LRRC4C: variants seen among roughly 807,000 people sequenced by gnomAD.
The protein encoded by LRRC4C is leucine rich repeat containing 4C.
Under a neutral mutation model 33.6 loss-of-function variants are expected in LRRC4C, and 5 were observed. The observed-to-expected ratio is 0.15, with a 90% CI of 0.08 to 0.31. The LOEUF (loss-of-function observed/expected upper bound fraction) is 0.31. LRRC4C is among the 10% of genes least tolerant of loss of function. LRRC4C has a pLI of 1.00. For synonymous variants in LRRC4C, 329 were observed against 302.0 expected, an observed-to-expected ratio of 1.09 and a Z score of -0.93; for missense variants, 560 against 796.7, an observed-to-expected ratio of 0.70 and a Z score of 3.58.
chr11:40,646,554 G>T (rs1280833239), intron 3 of LRRC4C, among the ~76,000 whole-genome samples: 2 of 152,046 alleles, frequency 1.3e-5, no homozygotes, highest in Admixed American at 1.3e-4. Context: ...AAGTTTGACG[G>T]CAAGGAAAAA....
intron 1 of LRRC4C, among the ~76,000 whole-genome samples, chr11:41,441,027 T>C (rs1955600816): frequency 6.6e-6 from 1 of 152,200 alleles, no homozygotes; most frequent in South Asian, 2.1e-4. Context: ...CAAGCCAGTC[T>C]TCTCAAGGGT....
chr11:41,244,028 G>T (rs1191317437), intron 1 of LRRC4C, among the ~76,000 whole-genome samples: 2 of 152,046 alleles, frequency 1.3e-5, no homozygotes, highest in East Asian at 3.9e-4. Context: ...GTTAAAACGG[G>T]AACTAATTAA....
intron 2 of LRRC4C, among the ~76,000 whole-genome samples, chr11:40,929,919 C>G (rs928100664): frequency 6.6e-6 from 1 of 152,024 alleles, no homozygotes; most frequent in African/African-American, 2.4e-5. Context: ...TTCAGCTCTA[C>G]TAGCCATAAT....
chr11:40,959,639 A>G (rs992753046), intron 1 of LRRC4C, among the ~76,000 whole-genome samples: 2 of 151,652 alleles, frequency 1.3e-5, no homozygotes, highest in East Asian at 1.9e-4. Context: ...GGTGTTTCCA[A>G]TTTCCCAGAT....
At chr11:41,098,004 A>T (rs2135588319) in intron 1 of LRRC4C, among the ~76,000 whole-genome samples, 1 of 152,172 alleles carries the variant, frequency 6.6e-6, no homozygotes, top group Non-Finnish European at 1.5e-5. Context: ...CATTAAAAAA[A>T]ATTCCTTCCC....
intron 1 of LRRC4C, among the ~76,000 whole-genome samples, chr11:41,406,668 C>A (rs553071719): frequency 1.3e-5 from 2 of 148,790 alleles, no homozygotes; most frequent in South Asian, 4.3e-4. Context: ...GCATGCTTTC[C>A]ATCAAAGTAT....
In LRRC4C at chr11:41,260,347, T is replaced by C. The variant is rs183302049; in HGVS notation, c.-496+199084A>G. ...GCTTTAAAGACACTGGATCATTTGATACTTCGCAGAAAACCAAGGGTGGAA... is the reference window on the plus strand; with the variant it reads ...GCTTTAAAGACACTGGATCATTTGACACTTCGCAGAAAACCAAGGGTGGAA... On this transcript the variant is annotated intron_variant, in intron 1 of 6. Coordinates refer to ENST00000528697, the MANE Select transcript of LRRC4C (RefSeq NM_001258419.2). Among the ~76,000 whole-genome samples, 437 of 152,178 alleles carry C rather than the reference T, an allele frequency of 2.9e-3. 1 individual carries two copies. The highest frequency in any genetic ancestry group is 5.0e-3 in the Non-Finnish European group (339 of 67,980).
chr11:40,256,998 T>C (rs1204884642), intron 4 of LRRC4C, among the ~76,000 whole-genome samples: 1 of 152,248 alleles, frequency 6.6e-6, no homozygotes, highest in Non-Finnish European at 1.5e-5. Flanking sequence ...ATTTCATTAA[T>C]GCAGGCACTT....
intron 3 of LRRC4C, among the ~76,000 whole-genome samples, chr11:40,618,560 G>T (rs1314024682): frequency 6.6e-6 from 1 of 151,748 alleles, no homozygotes; most frequent in Non-Finnish European, 1.5e-5. Flanking sequence ...CTTTGATGGT[G>T]CATGGGAAAA....
intron 1 of LRRC4C, among the ~76,000 whole-genome samples, chr11:41,457,653 T>A (rs957012662): frequency 6.6e-6 from 1 of 152,138 alleles, no homozygotes; most frequent in African/African-American, 2.4e-5. Context: ...CCTTTCTAGA[T>A]AAGAAAAATT....
chr11:40,908,231 G>A (rs1296722763), intron 2 of LRRC4C, among the ~76,000 whole-genome samples: 2 of 152,116 alleles, frequency 1.3e-5, no homozygotes, highest in East Asian at 3.9e-4. Context: ...TATTTAAATT[G>A]AAAACTAAAG....
At chr11:40,691,274 C>T (rs564209636) in intron 2 of LRRC4C, among the ~76,000 whole-genome samples, 1 of 152,128 alleles carries the variant, frequency 6.6e-6, no homozygotes, top group Non-Finnish European at 1.5e-5. Context: ...TGGAGAAGCA[C>T]TCCAGAATGC....
At chr11:40,499,238 T>G (rs1954622177) in intron 3 of LRRC4C, among the ~76,000 whole-genome samples, 1 of 152,182 alleles carries the variant, frequency 6.6e-6, no homozygotes. Context: ...TCGGCTGTGC[T>G]GTCCAAAGAA....
intron 1 of LRRC4C, among the ~76,000 whole-genome samples, chr11:41,222,079 A>T (rs1947332816): frequency 6.6e-6 from 1 of 152,204 alleles, no homozygotes; most frequent in African/African-American, 2.4e-5. Context: ...GGCTAGAAAT[A>T]GGAGCTTGAT....
At chr11:40,730,000 C>G (rs1343700470) in intron 2 of LRRC4C, among the ~76,000 whole-genome samples, 1 of 151,814 alleles carries the variant, frequency 6.6e-6, no homozygotes, top group Admixed American at 6.6e-5. Flanking sequence ...TAAACTATCA[C>G]AAGAACAAAA....
intron 1 of LRRC4C, among the ~76,000 whole-genome samples, chr11:41,115,512 A>G (rs1013496436): frequency 6.6e-6 from 1 of 152,046 alleles, no homozygotes; most frequent in African/African-American, 2.4e-5. Context: ...TAAAACACAC[A>G]TTGAAGAAGG....
intron 3 of LRRC4C, among the ~76,000 whole-genome samples, chr11:40,433,397 T>C (rs181499409): frequency 2.2e-3 from 329 of 152,230 alleles, no homozygotes; most frequent in Non-Finnish European, 3.4e-3. Context: ...GAGTTACTGA[T>C]ATAATATATG....
At chr11:41,054,161 C>T (rs927403268) in intron 1 of LRRC4C, among the ~76,000 whole-genome samples, 1 of 152,206 alleles carries the variant, frequency 6.6e-6, no homozygotes, top group Non-Finnish European at 1.5e-5. Flanking sequence ...TTTGAACCCC[C>T]ATGCACACAA....
chr11:40,833,390 T>A (rs147534306), intron 2 of LRRC4C, among the ~76,000 whole-genome samples: 1,897 of 152,258 alleles, frequency 0.012, 39 homozygotes, highest in African/African-American at 0.042. Flanking sequence ...AAAGGTAAAA[T>A]TAATTTCAAG....
Sources: gnomAD v4.1 joint callset for allele counts (sites outside exome capture counted in the v4.1 genomes callset) on GRCh38, gnomAD v4.1.1 for gene constraint, MANE v1.5 for transcripts, NCBI Gene and HGNC (gene_info 2026-07-23, HGNC 2026-07-21) for gene names.